SLCO5A1: variants seen among roughly 807,000 people sequenced by gnomAD.
SLCO5A1 encodes the protein organic anion transporter polypeptide-related protein 4.
Under a neutral mutation model 65.1 loss-of-function variants are expected in SLCO5A1, and 39 were observed. The ratio of observed to expected loss-of-function variants is 0.60; its 90% CI spans 0.46 to 0.78. The LOEUF is 0.78. Among genes scored for constraint, SLCO5A1 ranks in the 30% least tolerant of loss-of-function variants. The pLI, the probability that SLCO5A1 is intolerant of heterozygous loss-of-function variation, is 0.00. For synonymous variants in SLCO5A1, 438 were observed against 415.7 expected (o/e 1.05, Z -0.65); for missense variants, 1,029 against 1,069.4 (o/e 0.96, Z 0.53).
intron 5 of SLCO5A1, chr8:69,713,938 T>C (rs1815393960): frequency 6.6e-6 from 1 of 152,256 alleles, no homozygotes; most frequent in Non-Finnish European, 1.5e-5. Flanking sequence ...GCAAACATTT[T>C]CTTGTAGGAA....
chr8:69,824,054 A>C (rs1820763919), intron 2 of SLCO5A1, among the ~76,000 whole-genome samples: 1 of 152,252 alleles, frequency 6.6e-6, no homozygotes, highest in Non-Finnish European at 1.5e-5. Flanking sequence ...TGAAGGCAGA[A>C]ATAAAGATGT....
At chr8:69,785,605 G>C (rs1023101608) in intron 2 of SLCO5A1, among the ~76,000 whole-genome samples, 1 of 152,176 alleles carries the variant, frequency 6.6e-6, no homozygotes, top group African/African-American at 2.4e-5. Context: ...CTTTGAAGAA[G>C]CTGTCTGATC....
intron 2 of SLCO5A1, among the ~76,000 whole-genome samples, chr8:69,785,808 C>A (rs1819023933): frequency 6.6e-6 from 1 of 152,152 alleles, no homozygotes; most frequent in Non-Finnish European, 1.5e-5. Context: ...ATCAAACCAC[C>A]ATTGCTGCTC....
intron 2 of SLCO5A1, among the ~76,000 whole-genome samples, chr8:69,812,509 A>G (rs530413604): frequency 6.6e-6 from 1 of 152,348 alleles, no homozygotes; most frequent in Non-Finnish European, 1.5e-5. Context: ...AATAATTTCC[A>G]AAGTATAGTA....
At chr8:69,765,727 G>T (rs1818031898) in intron 2 of SLCO5A1, among the ~76,000 whole-genome samples, 1 of 152,126 alleles carries the variant, frequency 6.6e-6, no homozygotes, top group South Asian at 2.1e-4. Context: ...TCTTAAAACT[G>T]TAAGATCTAA....
At chr8:69,675,474 C>T in intron 9 of SLCO5A1, among the ~76,000 whole-genome samples, 1 of 152,116 alleles carries the variant, frequency 6.6e-6, no homozygotes, top group East Asian at 1.9e-4. Context: ...CTGCACCCGG[C>T]CTAAGGCAGA....
At chr8:69,811,144 A>G (rs1191931847) in intron 2 of SLCO5A1, among the ~76,000 whole-genome samples, 1 of 152,098 alleles carries the variant, frequency 6.6e-6, no homozygotes, top group Non-Finnish European at 1.5e-5. Context: ...CTCTGGAGTT[A>G]CTCCCATACA....
intron 6 of SLCO5A1, among the ~76,000 whole-genome samples, chr8:69,685,885 T>C (rs1813978047): frequency 6.6e-6 from 1 of 152,158 alleles, no homozygotes; most frequent in South Asian, 2.1e-4. Context: ...AAGTAATATA[T>C]AACAGCAAGA....
In SLCO5A1 at chr8:69,761,809, C is replaced by T. The variant is rs1460264011; in HGVS notation, c.974G>A (p.Gly325Asp). ...AGGATTTCTGGGATCAACATAAAAA[C>T]CAATAAGAAGTCCACCTAATAAATA... ...VGYLLGGLLIGFYVDPRNPVH... is the reference protein window; with the variant it reads ...VGYLLGGLLIDFYVDPRNPVH... The change falls in exon 3 of 10, where the codon GGT becomes GAT. Residue 325 changes from glycine (G) to aspartate (D), a missense_variant. By Grantham distance (94) the Gly-to-Asp change is moderately conservative (BLOSUM62 -1). Around this residue, in one of 3 missense-constraint regions of SLCO5A1, gnomAD observed 647 missense variants for 647.5 expected, o/e 1.00. Transcript: ENST00000260126. The T allele has an allele frequency of 6.2e-7, 1 of 1,613,992 alleles. No homozygotes were observed. The highest frequency in any genetic ancestry group is 2.2e-5 in the East Asian group (1 of 44,862).
intron 6 of SLCO5A1, among the ~76,000 whole-genome samples, chr8:69,699,328 G>A (rs2933056): frequency 6.6e-6 from 1 of 151,828 alleles, no homozygotes; most frequent in Non-Finnish European, 1.5e-5. Flanking sequence ...GAGGACCCAG[G>A]CCCGTTCCCC....
intron 4 of SLCO5A1, among the ~76,000 whole-genome samples, chr8:69,744,511 T>C (rs1300238349): frequency 6.6e-6 from 1 of 152,200 alleles, no homozygotes; most frequent in Non-Finnish European, 1.5e-5. Context: ...CTCTCTGTGC[T>C]CCCATGTACT....
At chr8:69,820,405 G>A (rs888988522) in intron 2 of SLCO5A1, among the ~76,000 whole-genome samples, 4 of 152,102 alleles carry the variant, frequency 2.6e-5, no homozygotes, top group African/African-American at 7.2e-5. Flanking sequence ...GGTACACATG[G>A]TTATATGGTT....
chr8:69,812,176 T>G (rs146966943), intron 2 of SLCO5A1, among the ~76,000 whole-genome samples: 247 of 152,280 alleles, frequency 1.6e-3, no homozygotes, highest in African/African-American at 5.8e-3. Flanking sequence ...AAAACTAGAT[T>G]TTAAAGCCCT....
At chr8:69,777,193 A>G (rs1278975636) in intron 2 of SLCO5A1, among the ~76,000 whole-genome samples, 1 of 152,244 alleles carries the variant, frequency 6.6e-6, no homozygotes, top group Admixed American at 6.5e-5. Flanking sequence ...TAGTATGGTC[A>G]TACAATGGAA....
intron 9 of SLCO5A1, among the ~76,000 whole-genome samples, chr8:69,674,718 A>G (rs1235435487): frequency 6.6e-6 from 1 of 152,090 alleles, no homozygotes; most frequent in African/African-American, 2.4e-5. Flanking sequence ...GCAAAGCAAA[A>G]AGAAGAAATT....
intron 5 of SLCO5A1, among the ~76,000 whole-genome samples, chr8:69,732,964 T>C (rs13269866): frequency 0.027 from 4,039 of 152,278 alleles, 80 homozygotes; most frequent in African/African-American, 0.053. Flanking sequence ...TAACACTTAC[T>C]ATTTGCCTTT....
chr8:69,729,220 G>T (rs958762609), intron 5 of SLCO5A1, among the ~76,000 whole-genome samples: 1 of 152,022 alleles, frequency 6.6e-6, no homozygotes, highest in Non-Finnish European at 1.5e-5. Flanking sequence ...CGAGGCAGGC[G>T]GATCACGAGG....
Position 69,755,492 on chromosome 8 carries a change from T to C in SLCO5A1, c.1190A>G (p.Glu397Gly). Residue 397 changes from glutamate to glycine, a missense_variant, in exon 4 of 10, where the codon GAG (glutamate) becomes GGG (glycine). Coordinates refer to ENST00000260126, the MANE Select transcript of SLCO5A1 (RefSeq NM_030958.3). The part of the protein sequence containing the change: ...DAVSDDDVLK[E>G]KSNNSEQADK... ...CGCTTGTTCACTGTTGTTTGATTTC[T>C]CCTTCAGAACATCGTCATCACTAAC... 6.2e-7 allele frequency: 1 copy of C among 1,614,134 alleles called. No homozygotes were observed. The highest frequency in any genetic ancestry group is 8.5e-7 in the Non-Finnish European group (1 of 1,179,994).
At chr8:69,717,086 C>G (rs1403521236) in intron 5 of SLCO5A1, among the ~76,000 whole-genome samples, 1 of 152,112 alleles carries the variant, frequency 6.6e-6, no homozygotes, top group African/African-American at 2.4e-5. Flanking sequence ...CCCATTTTTA[C>G]TTTTTTGATG....
Sources: gnomAD v4.1 joint callset for allele counts (sites outside exome capture counted in the v4.1 genomes callset) on GRCh38, gnomAD v4.1.1 for gene constraint, gnomAD v4.1.1 regional missense constraint, MANE v1.5 for transcripts, NCBI Gene and HGNC (gene_info 2026-07-23, HGNC 2026-07-21) for gene names.